NUP37: variants seen among roughly 807,000 people sequenced by gnomAD.
NUP37 encodes nucleoporin Nup37.
A neutral mutation model predicts 45.4 loss-of-function variants in NUP37; 33 were observed. The observed-to-expected ratio is 0.73, with a 90% confidence interval of 0.55 to 0.97. The LOEUF is 0.97. Among genes scored for constraint, NUP37 ranks in the 50% least tolerant of loss-of-function variants. The pLI is 0.00. For synonymous variants in NUP37, 127 were observed against 130.7 expected (o/e 0.97, Z 0.19); for missense variants, 365 against 389.7 (o/e 0.94, Z 0.53).
At chr12:102,091,431 C>CA (rs1879652103) in intron 5 of NUP37, among the ~76,000 whole-genome samples, 5 of 132,296 alleles carry the variant, frequency 3.8e-5, no homozygotes, top group South Asian at 4.8e-4. Flanking sequence ...AAAAAAAACC[C>CA]AAAAAACAAA....
rs191298792 is a variant in NUP37, at chr12:102,091,515, A to G, written c.450-5659T>C. ...TGATAGACCATTTCTCAAAGCATAA[A>G]AGTATAGAATAAATGTTATCAGGTT... On this transcript the variant is annotated intron_variant, in intron 5 of 9. Transcript: ENST00000552283. 1.3e-4 allele frequency among the ~76,000 whole-genome samples: 20 copies of G among 152,180 alleles called. No individual in the cohort carries two copies. In the East Asian group the frequency reaches 3.9e-3, roughly 29 times the overall value.
chr12:102,079,951 G>A (rs1328488718), intron 6 of NUP37, among the ~76,000 whole-genome samples: 2 of 152,150 alleles, frequency 1.3e-5, no homozygotes, highest in Non-Finnish European at 2.9e-5. Flanking sequence ...GAAGTGCTAT[G>A]AGCATTGATT....
intron 3 of NUP37, among the ~76,000 whole-genome samples, chr12:102,108,103 T>C (rs967897609): frequency 1.3e-5 from 2 of 152,198 alleles, no homozygotes; most frequent in African/African-American, 4.8e-5. Context: ...TGGGTGTATC[T>C]GGGTGTTTCT....
chr12:102,090,991 T>C (rs942010924), intron 5 of NUP37, among the ~76,000 whole-genome samples: 1 of 152,210 alleles, frequency 6.6e-6, no homozygotes, highest in South Asian at 2.1e-4. Flanking sequence ...ATTCAAAATT[T>C]GAAAATTCAG....
At chr12:102,112,285 AT>A in intron 2 of NUP37, 53 bp from the exon 3 acceptor site, 1 of 1,418,462 alleles carries the variant, frequency 7.0e-7, no homozygotes, top group South Asian at 1.4e-5. Flanking sequence ...ACAATATAAT[AT>A]TCTGTATTTC....
chr12:102,079,268 A>G, intron 6 of NUP37: 2 of 455,556 alleles, frequency 4.4e-6, no homozygotes, highest in Non-Finnish European at 8.8e-6. Context: ...TGTATGGCTA[A>G]AATGTGACTG....
intron 6 of NUP37, among the ~76,000 whole-genome samples, chr12:102,084,042 G>A (rs1161413384): frequency 6.6e-6 from 1 of 152,302 alleles, no homozygotes; most frequent in Non-Finnish European, 1.5e-5. Flanking sequence ...AATTAAAGGG[G>A]AGGTGGAAAA....
intron 2 of NUP37, among the ~76,000 whole-genome samples, chr12:102,113,712 G>GA (rs1051956338): frequency 5.3e-5 from 8 of 152,164 alleles, no homozygotes; most frequent in East Asian, 1.9e-4. Flanking sequence ...AAGTATCAGG[G>GA]AAAAAATCCA....
intron 2 of NUP37, among the ~76,000 whole-genome samples, chr12:102,114,345 AAAG>A (rs1173174653): frequency 6.8e-6 from 1 of 146,896 alleles, no homozygotes; most frequent in African/African-American, 2.5e-5. Flanking sequence ...TCATGGGGAT[AAAG>A]AAATCTCAGG....
intron 6 of NUP37, among the ~76,000 whole-genome samples, chr12:102,080,413 C>G (rs549894147): frequency 8.0e-4 from 122 of 152,108 alleles, no homozygotes; most frequent in African/African-American, 2.9e-3. Context: ...AGAGTGAGAC[C>G]CTGCCTCAAA....
intron 6 of NUP37, among the ~76,000 whole-genome samples, chr12:102,083,854 T>C (rs369828256): frequency 6.6e-6 from 1 of 152,104 alleles, no homozygotes; most frequent in Non-Finnish European, 1.5e-5. Flanking sequence ...AGAATAAGAA[T>C]GAAGGAAAAG....
At chr12:102,100,835 A>C (rs1474097748) in intron 4 of NUP37, among the ~76,000 whole-genome samples, 197 bp downstream of exon 4, 1 of 152,218 alleles carries the variant, frequency 6.6e-6, no homozygotes, top group Non-Finnish European at 1.5e-5. Flanking sequence ...TATAATCTGC[A>C]GTCATTAAGA....
chr12:102,119,401 G>A (rs1046645486), intron 1 of NUP37: 1 of 152,088 alleles, frequency 6.6e-6, no homozygotes, highest in Non-Finnish European at 1.5e-5. Context: ...CACGTATCCC[G>A]GAACTTAAAA....
chr12:102,096,777 T>C (rs1311058076), intron 5 of NUP37, among the ~76,000 whole-genome samples: 1 of 152,334 alleles, frequency 6.6e-6, no homozygotes, highest in East Asian at 1.9e-4. Flanking sequence ...TGATACTATC[T>C]ACTCTTTCTC....
intron 3 of NUP37, among the ~76,000 whole-genome samples, chr12:102,107,516 G>C (rs2136749014): frequency 6.6e-6 from 1 of 152,284 alleles, no homozygotes; most frequent in East Asian, 1.9e-4. Flanking sequence ...GGGGGAAAAT[G>C]TTTCAAGTAT....
chr12:102,117,954 T>C (rs1435446387), intron 2 of NUP37, among the ~76,000 whole-genome samples: 1 of 152,230 alleles, frequency 6.6e-6, no homozygotes, highest in Non-Finnish European at 1.5e-5. Flanking sequence ...AGCTGAATAT[T>C]ATAAAAGCTA....
chr12:102,084,501 G>T (rs913789549), intron 6 of NUP37, among the ~76,000 whole-genome samples: 2 of 152,006 alleles, frequency 1.3e-5, no homozygotes, highest in African/African-American at 2.4e-5. Flanking sequence ...AAAATTAGCC[G>T]AGTGTAGTGG....
chr12:102,075,090 AC>A lies in NUP37; in HGVS notation c.777del (p.Trp259CysfsTer27). ...VHMDRACLFR[W>X]STISENLFAT... Reference sequence around the variant, plus strand: ...GCAAACAGATTTTCACTAATTGTGGACCACCTAAGAAATAAGGAAGCGTAAA... The same window carrying A: ...GCAAACAGATTTTCACTAATTGTGGACACCTAAGAAATAAGGAAGCGTAAA... On this transcript the variant is annotated frameshift_variant, in exon 9 of 10. Transcript: ENST00000552283. LOFTEE classifies it high-confidence loss of function. 6.2e-7 allele frequency: 1 copy of A among 1,603,738 alleles called. No individual in the cohort carries two copies. Among genetic ancestry groups the A allele is most frequent in the Non-Finnish European group, 8.5e-7 (1 of 1,172,742 alleles).
Position 102,101,606 on chromosome 12 carries a change from T to G in NUP37, c.282-502A>C, listed in dbSNP as rs149917438. Among the ~76,000 whole-genome samples, 895 of 152,316 alleles carry G rather than the reference T, an allele frequency of 5.9e-3. 11 individuals are homozygous for G. Among genetic ancestry groups the G allele is most frequent in the African/African-American group, 0.02 (839 of 41,574 alleles). On this transcript the variant is annotated intron_variant, in intron 3 of 9. Transcript: ENST00000552283. ...ATACTATTTTTATAACTATAAAAGC[T>G]GATAATATTTATACCTACTAAAAGC...
Sources: gnomAD v4.1 joint callset for allele counts (sites outside exome capture counted in the v4.1 genomes callset) on GRCh38, gnomAD v4.1.1 for gene constraint, MANE v1.5 for transcripts, NCBI Gene and HGNC (gene_info 2026-07-23, HGNC 2026-07-21) for gene names.